The following ELP4 variants were observed in gnomAD, a reference collection of about 807,000 sequenced individuals.
ELP4 encodes elongator acetyltransferase complex subunit 4, also known as elongator complex protein 4.
Under a neutral mutation model 48.9 loss-of-function variants are expected in ELP4, and 51 were observed. The ratio of observed to expected loss-of-function variants is 1.04; its 90% confidence interval spans 0.83 to 1.32. ELP4 has a LOEUF of 1.32. Ranked by LOEUF, ELP4 falls within the 40% of genes most tolerant of loss-of-function variation. ELP4 has a pLI of 0.00. For synonymous variants in ELP4, 210 were observed against 189.2 expected (o/e 1.11, Z -0.90); for missense variants, 519 against 514.6 (o/e 1.01, Z -0.08).
intron 9 of ELP4, among the ~76,000 whole-genome samples, chr11:31,726,231 A>C (rs951677881): frequency 6.6e-6 from 1 of 152,182 alleles, no homozygotes; most frequent in Non-Finnish European, 1.5e-5. Flanking sequence ...TCAAGGACAG[A>C]ATTGAAGACT....
intron 9 of ELP4, among the ~76,000 whole-genome samples, chr11:31,724,746 A>G (rs982665861): frequency 6.6e-6 from 1 of 152,188 alleles, no homozygotes; most frequent in East Asian, 1.9e-4. Context: ...TACACATTAA[A>G]CAGTTTGATT....
At chr11:31,585,150 A>G (rs554351631) in intron 3 of ELP4, among the ~76,000 whole-genome samples, 3 of 152,328 alleles carry the variant, frequency 2.0e-5, no homozygotes, top group South Asian at 4.1e-4. Context: ...TCAAGGTTCA[A>G]CCTAATGCCA....
At chr11:31,779,812 T>A (rs944744293) in intron 9 of ELP4, 1 of 152,192 alleles carries the variant, frequency 6.6e-6, no homozygotes, top group Non-Finnish European at 1.5e-5. Context: ...CAGAAATCAT[T>A]GTTTTAGACA....
chr11:31,691,757 A>G (rs1228424906), intron 9 of ELP4, among the ~76,000 whole-genome samples: 1 of 152,192 alleles, frequency 6.6e-6, no homozygotes, highest in East Asian at 1.9e-4. Context: ...TGTTTACAAT[A>G]ACAATTTTTG....
chr11:31,713,498 A>C (rs954531556), intron 9 of ELP4, among the ~76,000 whole-genome samples: 1 of 152,194 alleles, frequency 6.6e-6, no homozygotes, highest in Non-Finnish European at 1.5e-5. Context: ...GCTTCTCTTT[A>C]CTGAGCAATG....
At chr11:31,731,601 T>TGTGTGG (rs3073920) in intron 9 of ELP4, among the ~76,000 whole-genome samples, 1 of 148,066 alleles carries the variant, frequency 6.8e-6, no homozygotes, top group South Asian at 2.1e-4. Context: ...TGTGTGTGTG[T>TGTGTGG]AGTCTGTGAA....
rs886048192 is a variant in ELP4, at chr11:31,787,502, T to C, written c.*3978T>C. 8.6e-6 allele frequency: 2 copies of C among 233,066 alleles called. No homozygotes were observed. The highest frequency in any genetic ancestry group is 1.7e-5 in the Non-Finnish European group (2 of 117,900). 14.4% of individuals were successfully genotyped at this position (233,066 alleles called of 1,614,324 possible). The stretch of plus-strand genomic sequence containing the variant: ...AGTAAGCCAGCCAGCAGCTGTGGCA[T>C]GCACTCCCACATAGCCCTTCTCTGA... On this transcript the variant is annotated 3_prime_UTR_variant, in exon 10 of 10. Coordinates refer to ENST00000640961, the MANE Select transcript of ELP4 (RefSeq NM_019040.5).
At chr11:31,696,362 G>A (rs537718416) in intron 9 of ELP4, among the ~76,000 whole-genome samples, 1 of 152,250 alleles carries the variant, frequency 6.6e-6, no homozygotes, top group African/African-American at 2.4e-5. Context: ...ATTCTGGTAT[G>A]TTATGTCTTT....
At chr11:31,764,111 A>G (rs949517869) in intron 9 of ELP4, among the ~76,000 whole-genome samples, 1 of 152,186 alleles carries the variant, frequency 6.6e-6, no homozygotes, top group Non-Finnish European at 1.5e-5. Context: ...GTGGGTGTCC[A>G]GTCATGTCAT....
chr11:31,760,372 G>C (rs1947920129), intron 9 of ELP4, among the ~76,000 whole-genome samples: 1 of 152,102 alleles, frequency 6.6e-6, no homozygotes, highest in South Asian at 2.1e-4. Context: ...AATATTTCCA[G>C]AATGCCTCTA....
chr11:31,636,386 T>G (rs1002942672), intron 7 of ELP4, among the ~76,000 whole-genome samples: 1 of 148,434 alleles, frequency 6.7e-6, no homozygotes, highest in African/African-American at 2.6e-5. Flanking sequence ...TTATATAAAT[T>G]AATATTAAAG....
chr11:31,538,011 T>G (rs1306564483), intron 2 of ELP4, among the ~76,000 whole-genome samples: 1 of 152,172 alleles, frequency 6.6e-6, no homozygotes, highest in African/African-American at 2.4e-5. Flanking sequence ...CTCCATTTAT[T>G]TAGGTCTTCT....
intron 3 of ELP4, among the ~76,000 whole-genome samples, chr11:31,585,891 C>T (rs1057185184): frequency 7.9e-5 from 12 of 151,940 alleles, no homozygotes; most frequent in African/African-American, 2.9e-4. Context: ...TCAAGACCAG[C>T]CTGGGCAACA....
At chr11:31,717,471 T>C (rs1034461213) in intron 9 of ELP4, among the ~76,000 whole-genome samples, 2 of 152,122 alleles carry the variant, frequency 1.3e-5, no homozygotes, top group Admixed American at 1.3e-4. Context: ...TATAAAAATT[T>C]ATGGCCAGGC....
At position 31,771,907 on chromosome 11, in the gene ELP4, A is replaced by G. The variant is rs181959229; in HGVS notation, c.1144-11486A>G. ...TGAGGCGGGAGAATGGCGTGAACCCAGGAGGCGGAGGTTGCAGTGAGCCAA... is the reference window on the plus strand; with the variant it reads ...TGAGGCGGGAGAATGGCGTGAACCCGGGAGGCGGAGGTTGCAGTGAGCCAA... On this transcript the variant is annotated intron_variant, in intron 9 of 9. Coordinates refer to ENST00000640961, the MANE Select transcript of ELP4 (RefSeq NM_019040.5). Among the ~76,000 whole-genome samples, 413 of 152,060 alleles carry G rather than the reference A, an allele frequency of 2.7e-3. 2 individuals are homozygous for G. Among genetic ancestry groups the G allele is most frequent in the Non-Finnish European group, 4.1e-3 (280 of 67,958 alleles).
At chr11:31,744,297 G>T (rs1012085199) in intron 9 of ELP4, among the ~76,000 whole-genome samples, 1 of 152,118 alleles carries the variant, frequency 6.6e-6, no homozygotes, top group Non-Finnish European at 1.5e-5. Context: ...ATTCACAGCC[G>T]AATTCTACCA....
chr11:31,787,037 A>AAAT lies in ELP4; in HGVS notation c.*3515_*3516insTAA, dbSNP rs1386619703. ...TGTATCGTTAAATAAATAATAAACA[A>AAAT]AAATTATTTCAACAATGAGTAAAAG... is the stretch of plus-strand genomic sequence containing the variant. On this transcript the variant is annotated 3_prime_UTR_variant, in exon 10 of 10. Coordinates refer to ENST00000640961, the MANE Select transcript of ELP4 (RefSeq NM_019040.5). The AAAT allele has an allele frequency of 6.2e-5, 14 of 224,338 alleles. No individual in the cohort carries two copies. Among genetic ancestry groups the AAAT allele is most frequent in the Non-Finnish European group, 1.2e-4 (13 of 112,746 alleles). The allele number at this position is 224,338 out of a possible 1,614,324, so 13.9% of individuals were successfully genotyped here. A position where few individuals can be genotyped will look rare whatever the true frequency, so the allele number is the denominator to read the frequency against.
At chr11:31,669,026 C>G (rs1396046918) in intron 9 of ELP4, among the ~76,000 whole-genome samples, 1 of 152,126 alleles carries the variant, frequency 6.6e-6, no homozygotes, top group East Asian at 1.9e-4. Flanking sequence ...GCTTTACTCT[C>G]ACTTGCAGTC....
chr11:31,677,425 T>C (rs1182616951), intron 9 of ELP4, among the ~76,000 whole-genome samples: 1 of 152,242 alleles, frequency 6.6e-6, no homozygotes, highest in African/African-American at 2.4e-5. Flanking sequence ...CTATGGAAAC[T>C]GAGGATCTCA....
Sources: gnomAD v4.1 joint callset for allele counts (sites outside exome capture counted in the v4.1 genomes callset) on GRCh38, gnomAD v4.1.1 for gene constraint, MANE v1.5 for transcripts, NCBI Gene and HGNC (gene_info 2026-07-23, HGNC 2026-07-21) for gene names.